NLK: variants seen among roughly 807,000 people sequenced by gnomAD.
NLK encodes the protein nemo like kinase, also known as serine/threonine-protein kinase NLK.
Under a neutral mutation model 59.0 loss-of-function variants are expected in NLK, and 11 were observed. The ratio of observed to expected loss-of-function variants is 0.19; its 90% CI spans 0.12 to 0.31. NLK has a LOEUF of 0.31. Among genes scored for constraint, NLK ranks in the 10% least tolerant of loss-of-function variants. NLK has a pLI of 1.00. For missense variants in NLK, 410 were observed against 661.1 expected (o/e 0.62, Z 4.16); for synonymous variants, 235 against 235.9 (o/e 1.00, Z 0.03).
At chr17:28,160,982 T>C (rs1907981174) in intron 3 of NLK, among the ~76,000 whole-genome samples, 178 bp from the exon 4 acceptor site, 1 of 152,246 alleles carries the variant, frequency 6.6e-6, no homozygotes, top group Admixed American at 6.5e-5. Context: ...ATGTAAGTTC[T>C]TTTGATTTTA....
intron 10 of NLK, among the ~76,000 whole-genome samples, chr17:28,194,285 A>G (rs1317264313): frequency 6.6e-6 from 1 of 152,232 alleles, no homozygotes; most frequent in African/African-American, 2.4e-5. Flanking sequence ...CTATGAGGTA[A>G]ACAGCATTAT....
At chr17:28,165,986 G>A (rs532736428) in intron 5 of NLK, among the ~76,000 whole-genome samples, 2 of 152,304 alleles carry the variant, frequency 1.3e-5, no homozygotes, top group South Asian at 4.1e-4. Context: ...AGGCTGAGGT[G>A]GGCAGATCAC....
chr17:28,076,820 C>T (rs1910173668), intron 1 of NLK, among the ~76,000 whole-genome samples: 1 of 152,118 alleles, frequency 6.6e-6, no homozygotes, highest in South Asian at 2.1e-4. Flanking sequence ...CTGTCCTAAT[C>T]TAACCAAATT....
intron 3 of NLK, among the ~76,000 whole-genome samples, chr17:28,158,373 C>T (rs1053981637): frequency 6.6e-6 from 1 of 152,164 alleles, no homozygotes; most frequent in Non-Finnish European, 1.5e-5. Context: ...GCTTGCAAGA[C>T]TGGAAGTTGC....
chr17:28,193,994 G>A (rs576253113), intron 10 of NLK, among the ~76,000 whole-genome samples: 11 of 152,216 alleles, frequency 7.2e-5, no homozygotes, highest in African/African-American at 2.4e-4. Context: ...AGCAATCTTA[G>A]ACATAGGAAA....
At chr17:28,194,256 A>G (rs142039000) in intron 10 of NLK, among the ~76,000 whole-genome samples, 134 of 152,316 alleles carry the variant, frequency 8.8e-4, no homozygotes, top group Non-Finnish European at 1.4e-3. Flanking sequence ...ATCTATTATC[A>G]TTTATTCATC....
intron 1 of NLK, among the ~76,000 whole-genome samples, chr17:28,077,648 G>A (rs1307102880): frequency 1.3e-5 from 2 of 152,124 alleles, no homozygotes; most frequent in Non-Finnish European, 2.9e-5. Context: ...CATTAATCTG[G>A]AGATAAAATT....
intron 1 of NLK, among the ~76,000 whole-genome samples, chr17:28,114,532 A>T (rs145908260): frequency 7.9e-5 from 12 of 152,340 alleles, no homozygotes; most frequent in African/African-American, 2.9e-4. Flanking sequence ...CTTAATGTAG[A>T]TATGAAAAGA....
At chr17:28,205,251 G>A in the NLK span, among the ~76,000 whole-genome samples, 4 of 152,248 alleles carry the variant, frequency 2.6e-5, no homozygotes, top group East Asian at 7.7e-4. Context: ...ACTTGGCACA[G>A]TGTAGGCACT....
At chr17:28,046,592 T>C (rs1364538761) in intron 1 of NLK, among the ~76,000 whole-genome samples, 2 of 152,176 alleles carry the variant, frequency 1.3e-5, no homozygotes, top group Non-Finnish European at 2.9e-5. Context: ...CTTCAGTCAT[T>C]TGGTGAGTAA....
intron 1 of NLK, among the ~76,000 whole-genome samples, chr17:28,085,973 C>T (rs1264709802): frequency 1.3e-5 from 2 of 152,134 alleles, no homozygotes; most frequent in African/African-American, 4.8e-5. Context: ...CACTCTATGA[C>T]ATCTATGACA....
At chr17:28,054,213 G>A (rs1367701273) in intron 1 of NLK, among the ~76,000 whole-genome samples, 1 of 152,182 alleles carries the variant, frequency 6.6e-6, no homozygotes, top group African/African-American at 2.4e-5. Flanking sequence ...AGAATTATGT[G>A]AGCATCTTCA....
intron 1 of NLK, among the ~76,000 whole-genome samples, chr17:28,070,948 T>G (rs1909986895): frequency 6.6e-6 from 1 of 152,254 alleles, no homozygotes; most frequent in Non-Finnish European, 1.5e-5. Flanking sequence ...CTTATGTTAA[T>G]GCCACACTGT....
intron 1 of NLK, among the ~76,000 whole-genome samples, chr17:28,077,073 CTT>C (rs35639099): frequency 5.3e-3 from 227 of 42,474 alleles, no homozygotes; most frequent in African/African-American, 0.019. Flanking sequence ...CTCTTTCTTT[CTT>C]TTTTTTTTTT....
In NLK at chr17:28,196,332, T is replaced by C. The variant is rs1909484276; in HGVS notation, c.*1696T>C. Reference sequence around the variant, plus strand: ...CACACTTTCTGGTCACTTTGTACAATGTAGATTTGAAGTACAGTGGTGAAA... The same window carrying C: ...CACACTTTCTGGTCACTTTGTACAACGTAGATTTGAAGTACAGTGGTGAAA... On this transcript the variant is annotated 3_prime_UTR_variant, in exon 11 of 11. Coordinates refer to ENST00000407008, the MANE Select transcript of NLK (RefSeq NM_016231.5). 1 of 152,638 alleles carries C rather than the reference T, an allele frequency of 6.6e-6. No individual in the cohort carries two copies. Among genetic ancestry groups the C allele is most frequent in the African/African-American group, 2.4e-5 (1 of 41,448 alleles). 9.5% of individuals were successfully genotyped at this position (152,638 alleles called of 1,614,324 possible).
At chr17:28,049,554 T>C (rs1478589187) in intron 1 of NLK, among the ~76,000 whole-genome samples, 1 of 152,188 alleles carries the variant, frequency 6.6e-6, no homozygotes, top group African/African-American at 2.4e-5. Flanking sequence ...GATGTTTAAG[T>C]CACCATATTG....
In NLK at chr17:28,196,280, A is replaced by G. The variant is rs1277525691; in HGVS notation, c.*1644A>G. 1 of 152,630 alleles carries G rather than the reference A, an allele frequency of 6.6e-6. No individual in the cohort carries two copies. Among genetic ancestry groups the G allele is most frequent in the Non-Finnish European group, 1.5e-5 (1 of 68,034 alleles). The allele number at this position is 152,630 out of a possible 1,614,324, so 9.5% of individuals were successfully genotyped here. A position where few individuals can be genotyped will look rare whatever the true frequency, so the allele number is the denominator to read the frequency against. ...AGAAGACACTGGTGTGAAAGGTACA[A>G]TCTCAGAGGTTGGTCAATTACCGTG... is the stretch of plus-strand genomic sequence containing the variant. On this transcript the variant is annotated 3_prime_UTR_variant, in exon 11 of 11. Coordinates refer to ENST00000407008, the MANE Select transcript of NLK (RefSeq NM_016231.5).
chr17:28,116,875 T>C (rs1335727504), intron 1 of NLK, among the ~76,000 whole-genome samples: 2 of 152,248 alleles, frequency 1.3e-5, no homozygotes, highest in Non-Finnish European at 2.9e-5. Flanking sequence ...ACTTGCGCTT[T>C]GTGACCTCTT....
intron 1 of NLK, among the ~76,000 whole-genome samples, chr17:28,079,322 A>T (rs778841032): frequency 6.6e-6 from 1 of 152,210 alleles, no homozygotes; most frequent in Non-Finnish European, 1.5e-5. Context: ...GCTGTAATGA[A>T]CAGATATGCA....
Sources: allele counts gnomAD v4.1 joint callset (sites outside exome capture counted in the v4.1 genomes callset), GRCh38; gene constraint gnomAD v4.1.1; transcripts MANE v1.5; gene names NCBI Gene and HGNC (gene_info 2026-07-23, HGNC 2026-07-21).